NRG3: variants seen among roughly 807,000 people sequenced by gnomAD.
The protein encoded by NRG3 is neuregulin 3.
A neutral mutation model predicts 66.9 loss-of-function variants in NRG3; 31 were observed. That is an observed-to-expected ratio of 0.46 (90% CI 0.35 to 0.63). The LOEUF (loss-of-function observed/expected upper bound fraction) is 0.63, where lower values mean the gene tolerates loss of function less well. Ranked by LOEUF, NRG3 falls within the 20% of genes least tolerant of loss-of-function variation. The pLI is 0.00. For missense variants in NRG3, 910 were observed against 878.9 expected (o/e 1.04, Z -0.45); for synonymous variants, 393 against 359.4 (o/e 1.09, Z -1.06).
At chr10:82,499,727 G>T (rs1487076517) in intron 2 of NRG3, among the ~76,000 whole-genome samples, 1 of 152,110 alleles carries the variant, frequency 6.6e-6, no homozygotes, top group South Asian at 2.1e-4. Flanking sequence ...TATTGGTTAG[G>T]TATAAGTTAT....
intron 2 of NRG3, among the ~76,000 whole-genome samples, chr10:82,408,142 AG>A (rs1590023290): frequency 6.6e-6 from 1 of 151,268 alleles, no homozygotes; most frequent in East Asian, 1.9e-4. Flanking sequence ...AAAGAAAGAA[AG>A]AAAAGAAAAA....
intron 3 of NRG3, among the ~76,000 whole-genome samples, chr10:82,862,740 G>A (rs573236507): frequency 2.0e-5 from 3 of 152,176 alleles, no homozygotes; most frequent in Non-Finnish European, 4.4e-5. Context: ...ACACTTACTT[G>A]GGATTCGCTC....
At chr10:82,627,283 G>A (rs990649480) in intron 2 of NRG3, among the ~76,000 whole-genome samples, 2 of 151,990 alleles carry the variant, frequency 1.3e-5, no homozygotes, top group Non-Finnish European at 2.9e-5. Context: ...GCAAAACACA[G>A]ATTATTTAAG....
chr10:82,850,477 G>A (rs954450112), intron 3 of NRG3, among the ~76,000 whole-genome samples: 1 of 151,308 alleles, frequency 6.6e-6, no homozygotes, highest in African/African-American at 2.4e-5. Flanking sequence ...AACTCATCTT[G>A]GATTCACCAT....
At chr10:82,811,741 G>A (rs940624973) in intron 3 of NRG3, among the ~76,000 whole-genome samples, 1 of 152,158 alleles carries the variant, frequency 6.6e-6, no homozygotes, top group African/African-American at 2.4e-5. Context: ...ACACCTGCCT[G>A]GACTGAGGCA....
intron 4 of NRG3, among the ~76,000 whole-genome samples, chr10:82,883,723 A>G (rs1336582114): frequency 6.6e-6 from 1 of 151,652 alleles, no homozygotes; most frequent in Non-Finnish European, 1.5e-5. Flanking sequence ...CCTGTGCACT[A>G]TTTTCAGAAA....
At chr10:82,190,899 AC>A (rs1487583740) in intron 1 of NRG3, among the ~76,000 whole-genome samples, 1 of 152,114 alleles carries the variant, frequency 6.6e-6, no homozygotes, top group East Asian at 1.9e-4. Flanking sequence ...CCCAGGCATT[AC>A]CCACAGATAT....
chr10:82,867,344 G>C (rs1466959042), intron 4 of NRG3, among the ~76,000 whole-genome samples: 1 of 152,164 alleles, frequency 6.6e-6, no homozygotes, highest in Non-Finnish European at 1.5e-5. Context: ...TTAAAAGACT[G>C]ATCTACAAGA....
At chr10:82,180,463 T>C (rs1233438580) in intron 1 of NRG3, among the ~76,000 whole-genome samples, 1 of 151,882 alleles carries the variant, frequency 6.6e-6, no homozygotes, top group Non-Finnish European at 1.5e-5. Context: ...AACATTAAAT[T>C]TTTTCAAATT....
intron 6 of NRG3, among the ~76,000 whole-genome samples, chr10:82,971,268 A>G (rs1438390881): frequency 6.6e-6 from 1 of 152,136 alleles, no homozygotes; most frequent in Non-Finnish European, 1.5e-5. Context: ...AAAGGGGACA[A>G]ATATCCAAAC....
At chr10:82,669,940 AGAAAAC>A (rs2053130547) in intron 2 of NRG3, among the ~76,000 whole-genome samples, 1 of 151,942 alleles carries the variant, frequency 6.6e-6, no homozygotes, top group Non-Finnish European at 1.5e-5. Flanking sequence ...AAAAAAAAAA[AGAAAAC>A]AAAAAAGCTG....
At chr10:82,229,164 A>G (rs1343787358) in intron 1 of NRG3, 1 of 152,226 alleles carries the variant, frequency 6.6e-6, no homozygotes, top group Non-Finnish European at 1.5e-5. Flanking sequence ...TTACCAGCAT[A>G]TAGTCTATGA....
At chr10:82,657,933 A>G (rs947337728) in intron 2 of NRG3, among the ~76,000 whole-genome samples, 8 of 151,688 alleles carry the variant, frequency 5.3e-5, no homozygotes, top group Non-Finnish European at 1.2e-4. Flanking sequence ...CTAAGCTCAC[A>G]TGGTTCACTT....
intron 3 of NRG3, among the ~76,000 whole-genome samples, chr10:82,752,644 T>G (rs984137146): frequency 6.6e-6 from 1 of 152,200 alleles, no homozygotes; most frequent in African/African-American, 2.4e-5. Context: ...CAAAAATTCA[T>G]ATGTTGAAAC....
intron 1 of NRG3, among the ~76,000 whole-genome samples, chr10:82,165,965 C>A (rs529260468): frequency 9.9e-5 from 15 of 151,498 alleles, no homozygotes; most frequent in Non-Finnish European, 1.5e-4. Flanking sequence ...TCTTTGTTCT[C>A]TTTTCCTGTT....
At chr10:82,949,743 T>G (rs1325892566) in intron 4 of NRG3, among the ~76,000 whole-genome samples, 1 of 151,886 alleles carries the variant, frequency 6.6e-6, no homozygotes, top group Non-Finnish European at 1.5e-5. Context: ...TAGTCCTAGC[T>G]ACTTGGGAGG....
At chr10:82,438,776 G>T (rs1191257972) in intron 2 of NRG3, among the ~76,000 whole-genome samples, 1 of 152,112 alleles carries the variant, frequency 6.6e-6, no homozygotes, top group Admixed American at 6.5e-5. Context: ...GGGGGGAGGG[G>T]GTTCTTCTTT....
At chr10:82,863,015 C>G (rs1411018910) in intron 3 of NRG3, among the ~76,000 whole-genome samples, 1 of 152,102 alleles carries the variant, frequency 6.6e-6, no homozygotes, top group Non-Finnish European at 1.5e-5. Flanking sequence ...CCCTTTGCCC[C>G]TTACCCCCCA....
intron 2 of NRG3, among the ~76,000 whole-genome samples, chr10:82,509,887 T>C (rs186558680): frequency 1.2e-4 from 18 of 152,278 alleles, no homozygotes; most frequent in African/African-American, 3.8e-4. Context: ...CCTACCATTC[T>C]GTACTGTGCA....
Sources: allele counts gnomAD v4.1 joint callset (sites outside exome capture counted in the v4.1 genomes callset), GRCh38; gene constraint gnomAD v4.1.1; transcripts MANE v1.5; gene names NCBI Gene and HGNC (gene_info 2026-07-23, HGNC 2026-07-21).